LUZP2: variants seen among roughly 807,000 people sequenced by gnomAD.
LUZP2 encodes leucine zipper protein 2.
LUZP2 carries 52 observed loss-of-function variants against 51.6 expected under a neutral mutation model. The observed-to-expected ratio is 1.01, with a 90% CI of 0.81 to 1.27. The LOEUF (loss-of-function observed/expected upper bound fraction) is 1.27. Among genes scored for constraint, LUZP2 ranks in the 50% most tolerant of loss-of-function variants. The pLI is 0.00. For missense variants in LUZP2, 436 were observed against 395.4 expected, an observed-to-expected ratio of 1.10 and a Z score of -0.87; for synonymous variants, 154 against 137.3, an observed-to-expected ratio of 1.12 and a Z score of -0.85.
At chr11:24,911,504 T>C (rs1448036862) in intron 6 of LUZP2, among the ~76,000 whole-genome samples, 1 of 152,122 alleles carries the variant, frequency 6.6e-6, no homozygotes, top group Non-Finnish European at 1.5e-5. Flanking sequence ...TCTCAGGAGA[T>C]CCAATGGTTT....
At chr11:24,877,873 G>A (rs578252490) in intron 5 of LUZP2, among the ~76,000 whole-genome samples, 1 of 152,000 alleles carries the variant, frequency 6.6e-6, no homozygotes, top group African/African-American at 2.4e-5. Flanking sequence ...GTCTTTCAGT[G>A]CCTGGCTTAT....
At chr11:24,569,976 A>C (rs1006162593) in intron 1 of LUZP2, among the ~76,000 whole-genome samples, 1 of 152,234 alleles carries the variant, frequency 6.6e-6, no homozygotes, top group East Asian at 1.9e-4. Context: ...ATTTTTTCAC[A>C]TCATTTACAT....
At chr11:24,734,858 A>T (rs1439742927) in intron 3 of LUZP2, among the ~76,000 whole-genome samples, 1 of 151,830 alleles carries the variant, frequency 6.6e-6, no homozygotes, top group Non-Finnish European at 1.5e-5. Flanking sequence ...ATTTGGTCAC[A>T]TCCCTGGCTC....
At chr11:24,768,687 A>G (rs1040010503) in intron 5 of LUZP2, among the ~76,000 whole-genome samples, 6 of 152,216 alleles carry the variant, frequency 3.9e-5, no homozygotes, top group African/African-American at 9.6e-5. Flanking sequence ...GAAAATGCCA[A>G]TCGAAGCTAT....
chr11:24,578,912 C>T (rs1852755688), intron 1 of LUZP2, among the ~76,000 whole-genome samples: 1 of 152,012 alleles, frequency 6.6e-6, no homozygotes. Flanking sequence ...ACATATACCC[C>T]TGAATCTAAA....
chr11:24,659,486 C>A lies in LUZP2; in HGVS notation c.63-69683C>A, dbSNP rs183914033. Among the ~76,000 whole-genome samples, 5 of 151,752 alleles carry A rather than the reference C, an allele frequency of 3.3e-5. No individual in the cohort carries two copies. The East Asian group carries it at 9.7e-4, about 29-fold the overall frequency. On this transcript the variant is annotated intron_variant, in intron 1 of 11. Transcript: ENST00000336930. ...CCTAATGCTAAATGACGAGTTAATG[C>A]GTGCAGCACACCAACATGGCACATG...
At chr11:24,578,384 A>T (rs1159293532) in intron 1 of LUZP2, among the ~76,000 whole-genome samples, 1 of 152,106 alleles carries the variant, frequency 6.6e-6, no homozygotes, top group Non-Finnish European at 1.5e-5. Context: ...ATAAAGAAAA[A>T]TGTGAAAGTA....
intron 1 of LUZP2, among the ~76,000 whole-genome samples, chr11:24,512,442 C>T (rs762525426): frequency 8.6e-5 from 13 of 151,944 alleles, no homozygotes; most frequent in African/African-American, 1.2e-4. Context: ...TATAATAATA[C>T]GTTACATATT....
chr11:24,693,991 A>G (rs531672465), intron 1 of LUZP2, among the ~76,000 whole-genome samples: 8 of 152,084 alleles, frequency 5.3e-5, no homozygotes, highest in Non-Finnish European at 8.8e-5. Flanking sequence ...GCTTTCATAC[A>G]TATCATTGGT....
At chr11:24,770,108 G>A (rs759744856) in intron 5 of LUZP2, among the ~76,000 whole-genome samples, 2 of 152,108 alleles carry the variant, frequency 1.3e-5, no homozygotes, top group African/African-American at 4.8e-5. Flanking sequence ...AATTCTCAAA[G>A]TTCAGAATGT....
intron 1 of LUZP2, among the ~76,000 whole-genome samples, chr11:24,558,965 G>T (rs903746106): frequency 5.3e-5 from 8 of 152,146 alleles, no homozygotes; most frequent in African/African-American, 1.9e-4. Flanking sequence ...TTTAGCAGCA[G>T]AAATGGACTG....
chr11:25,024,716 C>T (rs1330393385), intron 9 of LUZP2, among the ~76,000 whole-genome samples: 1 of 151,880 alleles, frequency 6.6e-6, no homozygotes, highest in Admixed American at 6.6e-5. Context: ...AATGGCCAAA[C>T]TGCCCAAGGT....
At chr11:24,691,198 A>G (rs1375307384) in intron 1 of LUZP2, among the ~76,000 whole-genome samples, 1 of 151,980 alleles carries the variant, frequency 6.6e-6, no homozygotes, top group Non-Finnish European at 1.5e-5. Flanking sequence ...AGTACCTGAT[A>G]CGTTTTATCC....
At chr11:24,528,713 T>C (rs957887202) in intron 1 of LUZP2, among the ~76,000 whole-genome samples, 1 of 151,166 alleles carries the variant, frequency 6.6e-6, no homozygotes, top group Non-Finnish European at 1.5e-5. Flanking sequence ...GATTCTGCTT[T>C]CTACAGAGAC....
chr11:24,522,145 T>C (rs553196721), intron 1 of LUZP2, among the ~76,000 whole-genome samples: 2 of 152,276 alleles, frequency 1.3e-5, no homozygotes, highest in South Asian at 2.1e-4. Flanking sequence ...TAGAAAGATA[T>C]AGAACCAACT....
intron 7 of LUZP2, among the ~76,000 whole-genome samples, chr11:24,928,040 T>G (rs367618314): frequency 3.3e-5 from 5 of 152,110 alleles, no homozygotes; most frequent in African/African-American, 1.2e-4. Context: ...TTTATCAGTT[T>G]GATCACTGTT....
rs1193136085 is a variant in LUZP2, at chr11:24,826,188, A to AT, written c.396+62880_396+62881insT. On this transcript the variant is annotated intron_variant, in intron 5 of 11. Transcript: ENST00000336930. ...GAGACTCCATCTCAAAAAAAAAAAA[A>AT]AAATATATATATATATATATAGTAA... is the stretch of plus-strand genomic sequence containing the variant. Among the ~76,000 whole-genome samples, 6 of 28,044 alleles carry AT rather than the reference A, an allele frequency of 2.1e-4. 1 individual carries two copies. The highest frequency in any genetic ancestry group is 6.5e-4 in the African/African-American group (6 of 9,268). 18.4% of individuals were successfully genotyped at this position (28,044 alleles called of 152,430 possible). A position where few individuals can be genotyped will look rare whatever the true frequency, so the allele number is the denominator to read the frequency against.
chr11:24,722,270 T>C (rs1375854338), intron 1 of LUZP2, among the ~76,000 whole-genome samples: 1 of 152,168 alleles, frequency 6.6e-6, no homozygotes, highest in East Asian at 1.9e-4. Flanking sequence ...GATAAAGACA[T>C]ACCTGATACT....
chr11:24,796,376 G>C (rs1233975381), intron 5 of LUZP2, among the ~76,000 whole-genome samples: 3 of 152,026 alleles, frequency 2.0e-5, no homozygotes, highest in Non-Finnish European at 4.4e-5. Context: ...GTTGGCAAGA[G>C]GTGTAACGTT....
Sources: gnomAD v4.1 joint callset for allele counts (sites outside exome capture counted in the v4.1 genomes callset) on GRCh38, gnomAD v4.1.1 for gene constraint, MANE v1.5 for transcripts, NCBI Gene and HGNC (gene_info 2026-07-23, HGNC 2026-07-21) for gene names.